The following RNF13 variants were observed in gnomAD, a reference collection of about 807,000 sequenced individuals.
RNF13 encodes E3 ubiquitin-protein ligase RNF13.
Under a neutral mutation model 37.7 loss-of-function variants are expected in RNF13, and 19 were observed. The observed-to-expected ratio is 0.50, with a 90% CI of 0.35 to 0.74. The LOEUF (loss-of-function observed/expected upper bound fraction) is 0.74. Among genes scored for constraint, RNF13 ranks in the 30% least tolerant of loss-of-function variants. The pLI, the probability that RNF13 is intolerant of heterozygous loss-of-function variation, is 0.01. For synonymous variants in RNF13, 144 were observed against 157.8 expected, an observed-to-expected ratio of 0.91 and a Z score of 0.65; for missense variants, 375 against 453.0, an observed-to-expected ratio of 0.83 and a Z score of 1.56.
Position 149,872,187 on chromosome 3 carries a change from A to G in RNF13, c.321+33A>G, listed in dbSNP as rs369960327. 24 of 1,417,804 alleles carry G rather than the reference A, an allele frequency of 1.7e-5. No individual in the cohort carries two copies. The African/African-American group carries it at 2.6e-4, about 15-fold the overall frequency. 87.8% of individuals were successfully genotyped at this position (1,417,804 alleles called of 1,614,324 possible). ...TATCTTTTTTCATTTTTTGTTTCCT[A>G]TTTGTTCAGTTAGCTAATTTAAATC... On this transcript the variant is annotated intron_variant, in intron 4 of 9. Coordinates refer to ENST00000392894, the MANE Select transcript of RNF13 (RefSeq NM_183381.3).
intron 5 of RNF13, among the ~76,000 whole-genome samples, chr3:149,901,506 A>G (rs1347364664): frequency 6.6e-6 from 1 of 152,218 alleles, no homozygotes; most frequent in African/African-American, 2.4e-5. Flanking sequence ...AAACTTTGCC[A>G]TGAGCGCCAG....
chr3:149,875,284 A>T (rs1013660017), intron 4 of RNF13, among the ~76,000 whole-genome samples: 1 of 152,162 alleles, frequency 6.6e-6, no homozygotes, highest in Non-Finnish European at 1.5e-5. Context: ...CCTTGGAGAA[A>T]GGAACTCTTT....
intron 7 of RNF13, among the ~76,000 whole-genome samples, chr3:149,917,952 C>T (rs1717715825): frequency 6.6e-6 from 1 of 152,188 alleles, no homozygotes; most frequent in Non-Finnish European, 1.5e-5. Flanking sequence ...ATTATGCAAC[C>T]ATCACCACAA....
intron 8 of RNF13, chr3:149,939,307 C>T (rs750314896): frequency 1.8e-4 from 84 of 464,494 alleles, no homozygotes; most frequent in Middle Eastern, 7.4e-4. Flanking sequence ...TCATTTTCAT[C>T]ATCATCTTCT....
chr3:149,828,678 C>CT (rs558543870), intron 1 of RNF13, among the ~76,000 whole-genome samples: 17 of 151,512 alleles, frequency 1.1e-4, no homozygotes, highest in Non-Finnish European at 2.1e-4. Flanking sequence ...CTCTCTCTCT[C>CT]TTTTTTTTTC....
chr3:149,881,946 T>C (rs1713454073), intron 4 of RNF13, among the ~76,000 whole-genome samples: 2 of 152,280 alleles, frequency 1.3e-5, no homozygotes, highest in South Asian at 4.1e-4. Context: ...TGGCAGTTTT[T>C]CTCAGAATTC....
intron 3 of RNF13, among the ~76,000 whole-genome samples, chr3:149,857,861 GT>G (rs909868189): frequency 2.0e-5 from 3 of 152,078 alleles, no homozygotes; most frequent in African/African-American, 4.8e-5. Flanking sequence ...TTTGGATATG[GT>G]TTTTTTGTCC....
Position 149,961,202 on chromosome 3 carries a change from TA to T in RNF13, c.*99del, listed in dbSNP as rs1576613379. ...TTCAAAGATTTCTGTAGAAATAACT[TA>T]TTTTTTAGTATTCTACAGTTTAATC... is the stretch of plus-strand genomic sequence containing the variant. On this transcript the variant is annotated 3_prime_UTR_variant, in exon 10 of 10. Coordinates refer to ENST00000392894, the MANE Select transcript of RNF13 (RefSeq NM_183381.3). 9.5e-7 allele frequency: 1 copy of T among 1,055,356 alleles called. No individual in the cohort carries two copies. The highest frequency in any genetic ancestry group is 1.6e-5 in the African/African-American group (1 of 62,196). 65.4% of individuals were successfully genotyped at this position (1,055,356 alleles called of 1,614,324 possible). A position where few individuals can be genotyped will look rare whatever the true frequency, so the allele number is the denominator to read the frequency against.
chr3:149,854,810 C>T (rs1254474028), intron 3 of RNF13, among the ~76,000 whole-genome samples: 1 of 152,186 alleles, frequency 6.6e-6, no homozygotes, highest in Non-Finnish European at 1.5e-5. Flanking sequence ...ACTTCCAAAT[C>T]CAACACTTGG....
intron 8 of RNF13, among the ~76,000 whole-genome samples, chr3:149,921,464 C>G (rs74821555): frequency 0.027 from 4,078 of 152,246 alleles, 71 homozygotes; most frequent in South Asian, 0.037. Context: ...CCTCCACCCC[C>G]CAACAGGCCC....
intron 3 of RNF13, among the ~76,000 whole-genome samples, chr3:149,868,827 T>TAGA (rs1387749618): frequency 6.6e-6 from 1 of 151,844 alleles, no homozygotes; most frequent in African/African-American, 2.4e-5. Flanking sequence ...CTTGGGGTAG[T>TAGA]CTTATTTGGG....
intron 2 of RNF13, among the ~76,000 whole-genome samples, chr3:149,847,105 A>T (rs1477706055): frequency 2.6e-5 from 4 of 152,208 alleles, no homozygotes; most frequent in Admixed American, 6.5e-5. Context: ...TACGCACCTC[A>T]ACTTATGATG....
At chr3:149,817,458 A>G (rs1051267664) in intron 1 of RNF13, 1 of 152,222 alleles carries the variant, frequency 6.6e-6, no homozygotes, top group Non-Finnish European at 1.5e-5. Flanking sequence ...CCAGGCATTT[A>G]TAAACATATG....
At chr3:149,856,867 C>T (rs909633467) in intron 3 of RNF13, among the ~76,000 whole-genome samples, 1 of 152,152 alleles carries the variant, frequency 6.6e-6, no homozygotes, top group Non-Finnish European at 1.5e-5. Context: ...CCTGCCTCAG[C>T]CTCCTGAGTA....
chr3:149,812,812 G>A (rs1323823594), upstream of RNF13: 1 of 152,874 alleles, frequency 6.5e-6, no homozygotes, highest in Non-Finnish European at 1.5e-5. Context: ...GGGCTACTCT[G>A]TCCCAACAGC....
At chr3:149,901,344 C>A (rs756433407) in intron 5 of RNF13, among the ~76,000 whole-genome samples, 1 of 152,136 alleles carries the variant, frequency 6.6e-6, no homozygotes, top group Non-Finnish European at 1.5e-5. Flanking sequence ...AATAATGAGG[C>A]TGCTTTTTCT....
intron 7 of RNF13, among the ~76,000 whole-genome samples, chr3:149,918,986 T>C (rs543610398): frequency 6.6e-6 from 1 of 152,346 alleles, no homozygotes; most frequent in East Asian, 1.9e-4. Context: ...TATATTGTGA[T>C]CACACATGTA....
intron 7 of RNF13, among the ~76,000 whole-genome samples, chr3:149,920,738 T>C (rs1052638589): frequency 6.6e-6 from 1 of 151,920 alleles, no homozygotes; most frequent in South Asian, 2.1e-4. Context: ...AATAAGTGTA[T>C]GTTTGAAATT....
intron 8 of RNF13, chr3:149,939,563 A>G (rs1369652087): frequency 2.0e-5 from 12 of 595,448 alleles, no homozygotes; most frequent in East Asian, 4.1e-5. Flanking sequence ...GACATTTTCA[A>G]AGTTGCCAGT....
Sources: allele counts gnomAD v4.1 joint callset (sites outside exome capture counted in the v4.1 genomes callset), GRCh38; gene constraint gnomAD v4.1.1; transcripts MANE v1.5; gene names NCBI Gene and HGNC (gene_info 2026-07-23, HGNC 2026-07-21).